ADCY8: variants seen among roughly 807,000 people sequenced by gnomAD.
ADCY8 encodes the protein adenylate cyclase 8.
Under a neutral mutation model 119.7 loss-of-function variants are expected in ADCY8, and 51 were observed. The ratio of observed to expected loss-of-function variants is 0.43; its 90% confidence interval spans 0.34 to 0.54. The LOEUF is 0.54. Ranked by LOEUF, ADCY8 falls within the 20% of genes least tolerant of loss-of-function variation. The pLI, the probability that ADCY8 is intolerant of heterozygous loss-of-function variation, is 0.03. For synonymous variants in ADCY8, 665 were observed against 651.0 expected, an observed-to-expected ratio of 1.02 and a Z score of -0.33; for missense variants, 1,383 against 1,598.8, an observed-to-expected ratio of 0.87 and a Z score of 2.30.
chr8:131,040,557 G>C lies in ADCY8; in HGVS notation c.-224C>G. The C allele has an allele frequency of 4.6e-6, 2 of 432,234 alleles. No homozygotes were observed. The highest frequency in any genetic ancestry group is 7.8e-6 in the Non-Finnish European group (2 of 256,940). The allele number at this position is 432,234 out of a possible 1,614,324, so 26.8% of individuals were successfully genotyped here. On this transcript the variant is annotated 5_prime_UTR_variant, in exon 1 of 18. Transcript: ENST00000286355. ...TCGCGGCGGACCTCGGCGTCCTTGC[G>C]TGCTGCTCTCCCGCCAGCCGGCGCA...
At chr8:131,014,234 T>C (rs1823399036) in intron 1 of ADCY8, among the ~76,000 whole-genome samples, 1 of 152,190 alleles carries the variant, frequency 6.6e-6, no homozygotes, top group Non-Finnish European at 1.5e-5. Flanking sequence ...AGTTTACCCT[T>C]GCTTTTTCAA....
intron 14 of ADCY8, among the ~76,000 whole-genome samples, chr8:130,804,597 G>A (rs1443081586): frequency 6.6e-6 from 1 of 152,172 alleles, no homozygotes; most frequent in Non-Finnish European, 1.5e-5. Flanking sequence ...AAAATTCATT[G>A]TGTAATTATG....
chr8:130,964,890 A>G (rs1821716456), intron 2 of ADCY8, among the ~76,000 whole-genome samples: 1 of 152,054 alleles, frequency 6.6e-6, no homozygotes, highest in South Asian at 2.1e-4. Flanking sequence ...ATAGTGTCTC[A>G]TTGTGGTTTT....
intron 1 of ADCY8, among the ~76,000 whole-genome samples, chr8:130,995,496 C>A (rs957781374): frequency 6.6e-6 from 1 of 152,142 alleles, no homozygotes; most frequent in Non-Finnish European, 1.5e-5. Context: ...GACTTCCCAT[C>A]ATGACAGTGA....
chr8:130,881,684 A>G (rs576983000), intron 8 of ADCY8, among the ~76,000 whole-genome samples: 6 of 152,148 alleles, frequency 3.9e-5, no homozygotes, highest in Non-Finnish European at 7.4e-5. Flanking sequence ...AAAATGTTCA[A>G]TTTTCCTTAA....
chr8:131,034,176 A>G (rs533520738), intron 1 of ADCY8, among the ~76,000 whole-genome samples: 17 of 152,246 alleles, frequency 1.1e-4, no homozygotes, highest in African/African-American at 3.8e-4. Context: ...ATTACATGCC[A>G]TTTGTTGTAC....
intron 9 of ADCY8, among the ~76,000 whole-genome samples, chr8:130,856,421 A>G (rs1343443498): frequency 6.6e-6 from 1 of 152,068 alleles, no homozygotes; most frequent in Admixed American, 6.6e-5. Context: ...AGAGGAAGCA[A>G]CAGACACGGC....
chr8:130,790,203 T>C (rs1323439142), intron 15 of ADCY8, among the ~76,000 whole-genome samples: 1 of 152,136 alleles, frequency 6.6e-6, no homozygotes, highest in Non-Finnish European at 1.5e-5. Flanking sequence ...AACTATACGG[T>C]TCTGTGGTGT....
chr8:130,854,928 C>T (rs1586486855), intron 9 of ADCY8, among the ~76,000 whole-genome samples: 2 of 135,450 alleles, frequency 1.5e-5, no homozygotes, highest in East Asian at 5.0e-4. Context: ...CCCCTTTCTG[C>T]CTCCCCCTCT....
At chr8:130,862,513 C>A (rs750293822) in intron 9 of ADCY8, among the ~76,000 whole-genome samples, 2 of 152,040 alleles carry the variant, frequency 1.3e-5, no homozygotes, top group Non-Finnish European at 2.9e-5. Flanking sequence ...CCCAGGTTCA[C>A]GCCATTCTCC....
At position 130,809,257 on chromosome 8, in the gene ADCY8, T is replaced by C. The variant is rs1816084110; in HGVS notation, c.2913+4812A>G. 1.3e-5 allele frequency among the ~76,000 whole-genome samples: 2 copies of C among 152,220 alleles called. 1 individual carries two copies. The highest frequency in any genetic ancestry group is 4.8e-5 in the African/African-American group (2 of 41,466). Reference sequence around the variant, plus strand: ...TGTTACGCATACCTGGGTTTGGATTTGAGCTCACTACTCACTAGCTTTGTG... The same window carrying C: ...TGTTACGCATACCTGGGTTTGGATTCGAGCTCACTACTCACTAGCTTTGTG... On this transcript the variant is annotated intron_variant, in intron 14 of 17. Coordinates refer to ENST00000286355, the MANE Select transcript of ADCY8 (RefSeq NM_001115.3).
intron 8 of ADCY8, among the ~76,000 whole-genome samples, chr8:130,881,144 G>A (rs1286994522): frequency 3.9e-5 from 6 of 152,230 alleles, no homozygotes; most frequent in South Asian, 4.1e-4. Flanking sequence ...CATGCCTTTC[G>A]GCTCTTAGAG....
intron 8 of ADCY8, among the ~76,000 whole-genome samples, chr8:130,880,810 T>C (rs899401704): frequency 5.3e-5 from 8 of 152,282 alleles, no homozygotes; most frequent in African/African-American, 1.9e-4. Context: ...ATTGTAAAAA[T>C]AGACATCTAC....
chr8:130,794,723 G>C (rs1308013286), intron 15 of ADCY8, among the ~76,000 whole-genome samples: 1 of 152,194 alleles, frequency 6.6e-6, no homozygotes. Context: ...ATGAATTTTA[G>C]GGAGGAGATG....
chr8:130,825,597 C>T (rs1816646049), intron 12 of ADCY8, among the ~76,000 whole-genome samples: 1 of 152,044 alleles, frequency 6.6e-6, no homozygotes, highest in African/African-American at 2.4e-5. Context: ...TGGAAAAGTT[C>T]CTGTTTTAAG....
At chr8:130,997,224 G>T (rs1822804547) in intron 1 of ADCY8, among the ~76,000 whole-genome samples, 1 of 151,198 alleles carries the variant, frequency 6.6e-6, no homozygotes, top group Non-Finnish European at 1.5e-5. Flanking sequence ...AAAATATGAA[G>T]AAATATATAT....
At chr8:130,994,906 C>T (rs1392546878) in intron 1 of ADCY8, among the ~76,000 whole-genome samples, 1 of 152,056 alleles carries the variant, frequency 6.6e-6, no homozygotes, top group Non-Finnish European at 1.5e-5. Context: ...GGGCATGTTC[C>T]TGGGGCACAT....
At chr8:130,851,072 T>A (rs1480568279) in intron 9 of ADCY8, among the ~76,000 whole-genome samples, 1 of 152,212 alleles carries the variant, frequency 6.6e-6, no homozygotes, top group Non-Finnish European at 1.5e-5. Flanking sequence ...GATATTCTAA[T>A]CACTTTGGTG....
chr8:131,019,797 T>TTCTCTCTC (rs61010907), intron 1 of ADCY8, among the ~76,000 whole-genome samples: 197 of 104,922 alleles, frequency 1.9e-3, no homozygotes, highest in East Asian at 5.2e-3. Flanking sequence ...ATGGAACAAA[T>TTCTCTCTC]TCTCTCTCTC....
Sources: allele counts gnomAD v4.1 joint callset (sites outside exome capture counted in the v4.1 genomes callset), GRCh38; gene constraint gnomAD v4.1.1; transcripts MANE v1.5; gene names NCBI Gene and HGNC (gene_info 2026-07-23, HGNC 2026-07-21).